OPCML: variants seen among roughly 807,000 people sequenced by gnomAD.
OPCML encodes the protein opioid-binding protein/cell adhesion molecule.
Under a neutral mutation model 37.8 loss-of-function variants are expected in OPCML, and 13 were observed. That is an observed-to-expected ratio of 0.34 (90% CI 0.22 to 0.55). The LOEUF is 0.55. Among genes scored for constraint, OPCML ranks in the 20% least tolerant of loss-of-function variants. The pLI is 0.91. For missense variants in OPCML, 341 were observed against 435.6 expected, an observed-to-expected ratio of 0.78 and a Z score of 1.93; for synonymous variants, 176 against 168.8, an observed-to-expected ratio of 1.04 and a Z score of -0.33.
intron 2 of OPCML, among the ~76,000 whole-genome samples, chr11:132,681,544 A>G (rs1827409916): frequency 6.6e-6 from 1 of 152,054 alleles, no homozygotes; most frequent in Admixed American, 6.5e-5. Context: ...TCCCCTTCCC[A>G]CTGAGAGCCT....
chr11:132,697,765 C>A (rs939597767), intron 2 of OPCML, among the ~76,000 whole-genome samples: 1 of 151,690 alleles, frequency 6.6e-6, no homozygotes, highest in East Asian at 1.9e-4. Context: ...ATACTGATTT[C>A]ATTTTGTTTT....
At chr11:132,675,206 C>CAT (rs10629015) in intron 2 of OPCML, among the ~76,000 whole-genome samples, 1,795 of 143,286 alleles carry the variant, frequency 0.013, 40 homozygotes, top group African/African-American at 0.043. Context: ...TATAACTTTA[C>CAT]ATATATATAT....
chr11:133,489,990 A>T (rs1947620679), intron 1 of OPCML, among the ~76,000 whole-genome samples: 1 of 152,188 alleles, frequency 6.6e-6, no homozygotes, highest in Non-Finnish European at 1.5e-5. Flanking sequence ...TTGCAGCAAC[A>T]TGCATGGAAC....
At chr11:132,792,769 G>T (rs1428528189) in intron 2 of OPCML, among the ~76,000 whole-genome samples, 3 of 152,204 alleles carry the variant, frequency 2.0e-5, no homozygotes, top group African/African-American at 7.2e-5. Flanking sequence ...ACATTCAGCT[G>T]AGTGCAAGGG....
intron 1 of OPCML, among the ~76,000 whole-genome samples, chr11:133,179,606 A>G (rs1937726474): frequency 6.6e-6 from 1 of 152,160 alleles, no homozygotes; most frequent in South Asian, 2.1e-4. Context: ...GTCAAAGGAG[A>G]GCACGACCCA....
Position 132,454,087 on chromosome 11 carries a change from T to A in OPCML, c.506-16728A>T, listed in dbSNP as rs1383563822. ...TACTATGTGCACAACACATGCTAGG[T>A]TTTTGCGGGGGAAGGTTAAGAAACC... On this transcript the variant is annotated intron_variant, in intron 4 of 7. Coordinates refer to ENST00000524381, the MANE Select transcript of OPCML (RefSeq NM_001012393.5). Among the ~76,000 whole-genome samples the A allele has an allele frequency of 2.0e-5, 3 of 152,090 alleles. No individual in the cohort carries two copies. The South Asian group carries it at 6.2e-4, about 32-fold the overall frequency.
chr11:133,469,795 C>T (rs573607778), intron 1 of OPCML, among the ~76,000 whole-genome samples: 1 of 152,296 alleles, frequency 6.6e-6, no homozygotes, highest in African/African-American at 2.4e-5. Context: ...TTTTATAGAT[C>T]CTACCTGGCA....
At chr11:132,680,868 C>T (rs1384441928) in intron 2 of OPCML, among the ~76,000 whole-genome samples, 3 of 152,162 alleles carry the variant, frequency 2.0e-5, no homozygotes, top group African/African-American at 4.8e-5. Flanking sequence ...GCAGAAGACG[C>T]CTGTTGCCCT....
chr11:132,752,120 G>A (rs991438049), intron 2 of OPCML, among the ~76,000 whole-genome samples: 3 of 152,160 alleles, frequency 2.0e-5, no homozygotes, highest in Non-Finnish European at 4.4e-5. Context: ...AGACACAAAA[G>A]CAGGCTTGGG....
chr11:133,396,319 C>G lies in OPCML; in HGVS notation c.61+135945G>C, dbSNP rs995112642. ...TTTTTGGCAGAGTCTTTAGCTTTTA[C>G]CAAATATAAGACAAGATCAATTTGA... On this transcript the variant is annotated intron_variant, in intron 1 of 7. Coordinates refer to ENST00000524381, the MANE Select transcript of OPCML (RefSeq NM_001012393.5). Among the ~76,000 whole-genome samples, 3 of 152,000 alleles carry G rather than the reference C, an allele frequency of 2.0e-5. No individual in the cohort carries two copies. The South Asian group carries it at 6.2e-4, about 32-fold the overall frequency.
intron 1 of OPCML, among the ~76,000 whole-genome samples, chr11:133,335,555 A>T (rs946107370): frequency 6.6e-6 from 1 of 152,158 alleles, no homozygotes; most frequent in African/African-American, 2.4e-5. Context: ...GAGGGAAAGC[A>T]TCCTCAGCCT....
intron 4 of OPCML, among the ~76,000 whole-genome samples, chr11:132,501,715 A>G (rs1221650953): frequency 6.6e-6 from 1 of 152,228 alleles, no homozygotes; most frequent in Non-Finnish European, 1.5e-5. Flanking sequence ...TTCTCCATCA[A>G]CATAGAATTT....
intron 2 of OPCML, among the ~76,000 whole-genome samples, chr11:132,796,730 G>A (rs577104103): frequency 2.0e-5 from 3 of 151,720 alleles, no homozygotes; most frequent in Admixed American, 6.6e-5. Flanking sequence ...GGCGCCAGCC[G>A]CCACGCCCGG....
chr11:132,646,224 CTAAACAACTTACTCATG>C (rs1179996526), intron 3 of OPCML, among the ~76,000 whole-genome samples: 1 of 152,108 alleles, frequency 6.6e-6, no homozygotes, highest in East Asian at 1.9e-4. Context: ...CAACTCACCA[CTAAACAACTTACTCATG>C]TAACCAAATA....
At chr11:132,764,690 C>T (rs1946377721) in intron 2 of OPCML, among the ~76,000 whole-genome samples, 1 of 152,168 alleles carries the variant, frequency 6.6e-6, no homozygotes, top group Admixed American at 6.5e-5. Flanking sequence ...ACCTCTGTTC[C>T]ACTGAGCAGA....
intron 3 of OPCML, among the ~76,000 whole-genome samples, chr11:132,591,548 G>C (rs1325291427): frequency 6.6e-6 from 1 of 152,174 alleles, no homozygotes; most frequent in East Asian, 1.9e-4. Context: ...CACAGGATCA[G>C]GGAGTTTGTC....
intron 2 of OPCML, chr11:132,657,575 G>T: frequency 8.6e-6 from 3 of 347,702 alleles, no homozygotes; most frequent in African/African-American, 2.2e-5. Flanking sequence ...CCATCCATTT[G>T]CTTTCCCTGT....
Position 132,710,006 on chromosome 11 carries a change from A to G in OPCML, c.147-52687T>C, listed in dbSNP as rs188078918. ...GAAACAAATGTTTAGTGCTTACAAA[A>G]TATCTGTAATACAGTTGGTAATCTA... On this transcript the variant is annotated intron_variant, in intron 2 of 7. Coordinates refer to ENST00000524381, the MANE Select transcript of OPCML (RefSeq NM_001012393.5). Among the ~76,000 whole-genome samples the G allele has an allele frequency of 3.8e-3, 577 of 152,352 alleles. 7 individuals carry two copies. Among genetic ancestry groups the G allele is most frequent in the African/African-American group, 0.013 (559 of 41,582 alleles).
At chr11:132,672,769 A>G (rs1942530162) in intron 2 of OPCML, among the ~76,000 whole-genome samples, 1 of 152,126 alleles carries the variant, frequency 6.6e-6, no homozygotes. Context: ...CAGGAGATCC[A>G]TTGATTCCTG....
Sources: allele counts gnomAD v4.1 joint callset (sites outside exome capture counted in the v4.1 genomes callset), GRCh38; gene constraint gnomAD v4.1.1; transcripts MANE v1.5; gene names NCBI Gene and HGNC (gene_info 2026-07-23, HGNC 2026-07-21).